The following C4orf17 variants were observed in gnomAD, a reference collection of about 807,000 sequenced individuals.
The protein encoded by C4orf17 is chromosome 4 open reading frame 17.
A neutral mutation model predicts 32.0 loss-of-function variants in C4orf17; 25 were observed. That is an observed-to-expected ratio of 0.78 (90% CI 0.57 to 1.09). The LOEUF is 1.09. C4orf17 is among the 50% of genes least tolerant of loss of function. The pLI is 0.00. For missense variants in C4orf17, 420 were observed against 420.0 expected, an observed-to-expected ratio of 1.00 and a Z score of 0.00; for synonymous variants, 149 against 145.8, an observed-to-expected ratio of 1.02 and a Z score of -0.16.
rs548808787 is a variant in C4orf17 at position 99,523,967 on chromosome 4, A to G, written c.338-554A>G. 8.6e-5 allele frequency among the ~76,000 whole-genome samples: 13 copies of G among 150,458 alleles called. No individual in the cohort carries two copies. The South Asian group carries it at 2.7e-3, about 32-fold the overall frequency. On this transcript the variant is annotated intron_variant, in intron 3 of 8. Coordinates refer to ENST00000326581, the MANE Select transcript of C4orf17 (RefSeq NM_032149.3). ...ACAGAGAAAAATATGTCTTATACTA[A>G]AATATATACTTTTTTTTTTTTTTTT...
At chr4:99,518,021 C>T (rs376471545) in intron 2 of C4orf17, among the ~76,000 whole-genome samples, 1 of 152,150 alleles carries the variant, frequency 6.6e-6, no homozygotes, top group Non-Finnish European at 1.5e-5. Flanking sequence ...ACTCCTCTCC[C>T]TCATTCTCTT....
chr4:99,542,181 G>T lies in C4orf17; in HGVS notation c.*72G>T. On this transcript the variant is annotated 3_prime_UTR_variant, in exon 9 of 9. Transcript: ENST00000326581. The stretch of plus-strand genomic sequence containing the variant: ...TACATCATCAAATTATTTTTCAAAT[G>T]AATATTTTTGGTATTGAGGAATCAA... 7.1e-7 allele frequency: 1 copy of T among 1,399,728 alleles called. No homozygotes were observed. Among genetic ancestry groups the T allele is most frequent in the South Asian group, 1.2e-5 (1 of 82,806 alleles). The allele number at this position is 1,399,728 out of a possible 1,614,324, so 86.7% of individuals were successfully genotyped here. A position where few individuals can be genotyped will look rare whatever the true frequency, so the allele number is the denominator to read the frequency against.
chr4:99,521,210 A>C (rs1245804030), intron 2 of C4orf17, among the ~76,000 whole-genome samples: 1 of 152,086 alleles, frequency 6.6e-6, no homozygotes, highest in Non-Finnish European at 1.5e-5. Flanking sequence ...CGTCTCTACC[A>C]AAGATACAAA....
intron 8 of C4orf17, chr4:99,541,697 C>T: frequency 2.0e-6 from 1 of 503,520 alleles, no homozygotes; most frequent in Admixed American, 3.8e-5. Flanking sequence ...AGTGAAGGAA[C>T]ATATCCTGCA....
intron 2 of C4orf17, among the ~76,000 whole-genome samples, chr4:99,514,415 AC>A (rs1437376673): frequency 6.6e-6 from 1 of 152,180 alleles, no homozygotes; most frequent in Non-Finnish European, 1.5e-5. Context: ...CAAGAAAAAA[AC>A]AAATAATCCC....
chr4:99,530,843 T>C (rs1426324923), intron 5 of C4orf17, among the ~76,000 whole-genome samples: 2 of 152,116 alleles, frequency 1.3e-5, no homozygotes, highest in Non-Finnish European at 2.9e-5. Flanking sequence ...TTGACTTATG[T>C]TTATACATTA....
At chr4:99,528,836 G>A (rs1449029425) in intron 4 of C4orf17, among the ~76,000 whole-genome samples, 2 of 152,052 alleles carry the variant, frequency 1.3e-5, no homozygotes, top group East Asian at 1.9e-4. Flanking sequence ...TCCTGCCCTT[G>A]ACATATGGGG....
intron 1 of C4orf17, 119 bp downstream of exon 1, chr4:99,511,391 A>C (rs1723090882): frequency 6.6e-6 from 1 of 152,034 alleles, no homozygotes; most frequent in South Asian, 2.1e-4. Flanking sequence ...GTCTGTTTTA[A>C]GAAAATGAAA....
chr4:99,517,918 T>C (rs1017874657), intron 2 of C4orf17, among the ~76,000 whole-genome samples: 3 of 152,192 alleles, frequency 2.0e-5, no homozygotes, highest in African/African-American at 7.2e-5. Flanking sequence ...GAACTCTTGA[T>C]CTTCCTTCAA....
At chr4:99,519,755 A>G (rs1242484582) in intron 2 of C4orf17, among the ~76,000 whole-genome samples, 4 of 152,210 alleles carry the variant, frequency 2.6e-5, no homozygotes, top group Non-Finnish European at 2.9e-5. Context: ...GAGATCAGTT[A>G]GAAGACTGAT....
At position 99,522,484 on chromosome 4, in the gene C4orf17, A is replaced by G. The variant is rs1048449503; in HGVS notation, c.128-16A>G. ...GTTGCTTGATCTGTCTCTTTTTTTA[A>G]TCTTTACTCACCTAGGCTTGAATAA... On this transcript the variant is annotated splice_polypyrimidine_tract_variant and intron_variant, in intron 2 of 8. Transcript: ENST00000326581. 3.1e-6 allele frequency: 5 copies of G among 1,595,618 alleles called. No individual in the cohort carries two copies. The African/African-American group carries it at 5.4e-5, about 17-fold the overall frequency.
In C4orf17 at chr4:99,520,089, A is replaced by ATT. The variant is rs33976011; in HGVS notation, c.128-2394_128-2393dup. On this transcript the variant is annotated intron_variant, in intron 2 of 8. Coordinates refer to ENST00000326581, the MANE Select transcript of C4orf17 (RefSeq NM_032149.3). ...GAAAAAACCCCAAAACCCACATTTA[A>ATT]TTTTTTTTTTTTTTTTTTGAGACGG... Among the ~76,000 whole-genome samples, 392 of 139,630 alleles carry ATT rather than the reference A, an allele frequency of 2.8e-3. 3 individuals are homozygous for ATT. Among genetic ancestry groups the ATT allele is most frequent in the Middle Eastern group, 7.6e-3 (2 of 262 alleles). 91.6% of individuals were successfully genotyped at this position (139,630 alleles called of 152,430 possible).
chr4:99,521,617 A>T (rs1578188958), intron 2 of C4orf17, among the ~76,000 whole-genome samples: 1 of 152,170 alleles, frequency 6.6e-6, no homozygotes, highest in South Asian at 2.1e-4. Context: ...TGAGAAGACA[A>T]TTAAGAATTA....
intron 6 of C4orf17, among the ~76,000 whole-genome samples, chr4:99,538,642 G>A (rs1291258832): frequency 6.6e-6 from 1 of 151,760 alleles, no homozygotes; most frequent in Non-Finnish European, 1.5e-5. Flanking sequence ...AACTATACAA[G>A]TAATAAATCC....
At chr4:99,514,202 A>G (rs112430106) in intron 2 of C4orf17, among the ~76,000 whole-genome samples, 3,779 of 152,270 alleles carry the variant, frequency 0.025, 116 homozygotes, top group Middle Eastern at 0.099. Context: ...TAGGCAAATA[A>G]TTCATGACTA....
chr4:99,540,445 A>G lies in C4orf17; in HGVS notation c.870A>G (p.Glu290=). The G allele has an allele frequency of 6.2e-7, 1 of 1,611,078 alleles. No homozygotes were observed. The highest frequency in any genetic ancestry group is 1.1e-5 in the South Asian group (1 of 90,906). ...GTCAAGGATCTGAAGAAAACAAGGA[A>G]GTACCAAAAGGTTAAGTACAGTTTT... ...VSSQGSEENK[E]VPKEAEHKPP... The change falls in exon 8 of 9, where the codon GAA becomes GAG. Residue 290 remains glutamate (E), a synonymous_variant. Transcript: ENST00000326581.
At chr4:99,530,575 A>G (rs1336176971) in intron 5 of C4orf17, among the ~76,000 whole-genome samples, 2 of 152,100 alleles carry the variant, frequency 1.3e-5, no homozygotes, top group East Asian at 1.9e-4. Context: ...TTGAACCACC[A>G]TAAGTCCCAC....
chr4:99,531,665 C>G (rs566882015), intron 5 of C4orf17, among the ~76,000 whole-genome samples: 2 of 152,238 alleles, frequency 1.3e-5, no homozygotes, highest in African/African-American at 4.8e-5. Context: ...CTCACCACTT[C>G]GCTTGAAAAA....
Position 99,542,200 on chromosome 4 carries a change from G to C in C4orf17, c.*91G>C, listed in dbSNP as rs1321924384. ...TCAAATGAATATTTTTGGTATTGAG[G>C]AATCAAGTGGTCCTCTTTATGGTGG... On this transcript the variant is annotated 3_prime_UTR_variant, in exon 9 of 9. Transcript: ENST00000326581. 3 of 1,123,034 alleles carry C rather than the reference G, an allele frequency of 2.7e-6. No individual in the cohort carries two copies. Among genetic ancestry groups the C allele is most frequent in the Non-Finnish European group, 4.0e-6 (3 of 752,366 alleles). 69.6% of individuals were successfully genotyped at this position (1,123,034 alleles called of 1,614,324 possible).
Sources: allele counts gnomAD v4.1 joint callset (sites outside exome capture counted in the v4.1 genomes callset), GRCh38; gene constraint gnomAD v4.1.1; transcripts MANE v1.5; gene names NCBI Gene and HGNC (gene_info 2026-07-23, HGNC 2026-07-21).